Variants in FBXO32 observed in about 807,000 individuals in gnomAD.
FBXO32 encodes the protein F-box only protein 32.
Under a neutral mutation model 48.3 loss-of-function variants are expected in FBXO32, and 15 were observed. The observed-to-expected ratio is 0.31, with a 90% CI of 0.21 to 0.48. The LOEUF (loss-of-function observed/expected upper bound fraction) is 0.48. Among genes scored for constraint, FBXO32 ranks in the 20% least tolerant of loss-of-function variants. The probability of loss-of-function intolerance (pLI) is 0.99; values close to 1 mark genes in which losing one functional copy is unlikely to be tolerated. For synonymous variants in FBXO32, 154 were observed against 165.9 expected (o/e 0.93, Z 0.55); for missense variants, 309 against 432.7 (o/e 0.71, Z 2.54).
chr8:123,503,229 C>A lies in FBXO32; in HGVS notation c.*144G>T. The A allele has an allele frequency of 1.8e-6, 1 of 569,540 alleles. No homozygotes were observed. The highest frequency in any genetic ancestry group is 3.0e-6 in the Non-Finnish European group (1 of 330,904). 35.3% of individuals were successfully genotyped at this position (569,540 alleles called of 1,614,324 possible). On this transcript the variant is annotated 3_prime_UTR_variant, in exon 9 of 9. Coordinates refer to ENST00000517956, the MANE Select transcript of FBXO32 (RefSeq NM_058229.4). ...AGTCAGCAACTGCATTTCTCCCCTC[C>A]AATGTCCTCTCCATGACTTATCTCT...
chr8:123,501,031 G>A lies in FBXO32; in HGVS notation c.*2342C>T, dbSNP rs1816471867. ...CAGTCTAAATGACACCAGTGTCCCAGTTTTGTGCTGACAGTCCACAGCAGG... is the reference window on the plus strand; with the variant it reads ...CAGTCTAAATGACACCAGTGTCCCAATTTTGTGCTGACAGTCCACAGCAGG... On this transcript the variant is annotated 3_prime_UTR_variant, in exon 9 of 9. Coordinates refer to ENST00000517956, the MANE Select transcript of FBXO32 (RefSeq NM_058229.4). The A allele has an allele frequency of 2.0e-5, 3 of 152,206 alleles. No individual in the cohort carries two copies. Among genetic ancestry groups the A allele is most frequent in the African/African-American group, 7.2e-5 (3 of 41,452 alleles). 9.4% of individuals were successfully genotyped at this position (152,206 alleles called of 1,614,324 possible). A position where few individuals can be genotyped will look rare whatever the true frequency, so the allele number is the denominator to read the frequency against.
In FBXO32 at chr8:123,525,295, G is replaced by A. The variant is rs1203567318; in HGVS notation, c.372+6603C>T. 6.6e-6 allele frequency among the ~76,000 whole-genome samples: 1 copy of A among 152,146 alleles called. No homozygotes were observed. Among genetic ancestry groups the A allele is most frequent in the Non-Finnish European group, 1.5e-5 (1 of 68,022 alleles). ...TAGGTTGTGATGCTCTGCTGCAGAG[G>A]GACAAAGAAACTGGGGTTGCAAGCT... On this transcript the variant is annotated intron_variant, in intron 4 of 8. Coordinates refer to ENST00000517956, the MANE Select transcript of FBXO32 (RefSeq NM_058229.4). The surrounding 1 kb of genome is among the most constrained non-coding windows in gnomAD (Gnocchi z 4.3).
chr8:123,534,781 A>G lies in FBXO32; in HGVS notation c.150T>C (p.Asn50=), dbSNP rs1817278503. ...YCNKEVYNKE[N]LFNSLNYDVA... ...CATCATAGTTCAGGCTGTTGAAAAG[A>G]TTCTCCTTATTGTATACCTCCTTGT... is the stretch of plus-strand genomic sequence containing the variant. The change falls in exon 2 of 9, where the codon AAT becomes AAC. Residue 50 remains asparagine, a synonymous_variant. Transcript: ENST00000517956. The G allele has an allele frequency of 6.2e-7, 1 of 1,613,602 alleles. No homozygotes were observed. The highest frequency in any genetic ancestry group is 8.5e-7 in the Non-Finnish European group (1 of 1,179,664).
intron 8 of FBXO32, among the ~76,000 whole-genome samples, chr8:123,504,079 G>A (rs577276474): frequency 2.4e-5 from 3 of 124,148 alleles, no homozygotes; most frequent in Non-Finnish European, 3.2e-5. Flanking sequence ...GAGAGACTCC[G>A]TCTCAAAAAA....
Position 123,541,022 on chromosome 8 carries a change from C to A in FBXO32, c.-8G>T, listed in dbSNP as rs1040683460. 2 of 1,597,944 alleles carry A rather than the reference C, an allele frequency of 1.3e-6. No individual in the cohort carries two copies. The highest frequency in any genetic ancestry group is 1.7e-5 in the Admixed American group (1 of 59,490). On this transcript the variant is annotated 5_prime_UTR_variant, in exon 1 of 9. Coordinates refer to ENST00000517956, the MANE Select transcript of FBXO32 (RefSeq NM_058229.4). ...CTGCCCGAGGAATGGCATGGCACCG[C>A]GAGCGGACTAGACGGATGGGGAGAC...
At chr8:123,536,907 A>T (rs1236182320) in intron 1 of FBXO32, among the ~76,000 whole-genome samples, 1 of 152,026 alleles carries the variant, frequency 6.6e-6, no homozygotes, top group African/African-American at 2.4e-5. Flanking sequence ...AGCCTGAGTG[A>T]CTCATTTCAA....
chr8:123,502,885 G>A lies in FBXO32; in HGVS notation c.*488C>T, dbSNP rs928901259. ...GTTTAGGATGGGTGGCGCTTCCTTCGCCTTCTCAAAACAAACACCAGATCA... is the reference window on the plus strand; with the variant it reads ...GTTTAGGATGGGTGGCGCTTCCTTCACCTTCTCAAAACAAACACCAGATCA... On this transcript the variant is annotated 3_prime_UTR_variant, in exon 9 of 9. Coordinates refer to ENST00000517956, the MANE Select transcript of FBXO32 (RefSeq NM_058229.4). The A allele has an allele frequency of 2.0e-5, 3 of 153,056 alleles. No homozygotes were observed. Among genetic ancestry groups the A allele is most frequent in the African/African-American group, 4.8e-5 (2 of 41,412 alleles). 9.5% of individuals were successfully genotyped at this position (153,056 alleles called of 1,614,324 possible).
chr8:123,514,627 G>A (rs182811378), intron 4 of FBXO32, among the ~76,000 whole-genome samples: 15 of 152,338 alleles, frequency 9.8e-5, no homozygotes, highest in African/African-American at 3.4e-4. Flanking sequence ...TGAAGCTGAC[G>A]TACCCTGAAG....
At chr8:123,521,172 A>G (rs1035284604) in intron 4 of FBXO32, among the ~76,000 whole-genome samples, 2 of 152,250 alleles carry the variant, frequency 1.3e-5, no homozygotes, top group African/African-American at 4.8e-5. Flanking sequence ...GCTAATTAGG[A>G]TGGAACCCTC....
Position 123,513,254 on chromosome 8 carries a change from G to A in FBXO32, c.595C>T (p.Arg199Trp), listed in dbSNP as rs1305484860. The A allele has an allele frequency of 2.5e-6, 4 of 1,614,190 alleles. No homozygotes were observed. Among genetic ancestry groups the A allele is most frequent in the Non-Finnish European group, 3.4e-6 (4 of 1,180,024 alleles). ...LVGNINMWVY[R>W]METILHWQQQ... ...TGCCAGTGGAGAATCGTCTCCATCC[G>A]ATACACCCACATGTTAATGTTCCCG... The change falls in exon 6 of 9, where the codon CGG (arginine) becomes TGG (tryptophan). Residue 199 changes from arginine to tryptophan, a missense_variant. Physicochemically the swap from Arg to Trp is moderately radical, Grantham distance 101. Coordinates refer to ENST00000517956, the MANE Select transcript of FBXO32 (RefSeq NM_058229.4). This position sits in a 1 kb window ranked among gnomAD's most constrained non-coding sequence, Gnocchi z 4.3.
At chr8:123,527,207 A>G (rs1306793619) in intron 4 of FBXO32, 2 of 152,224 alleles carry the variant, frequency 1.3e-5, no homozygotes, top group Non-Finnish European at 2.9e-5. Flanking sequence ...CCTTCAAGGT[A>G]GAGTCAGATC....
intron 4 of FBXO32, among the ~76,000 whole-genome samples, chr8:123,517,745 A>T (rs1816868979): frequency 6.6e-6 from 1 of 152,222 alleles, no homozygotes; most frequent in South Asian, 2.1e-4. Context: ...TTCATTTCTA[A>T]AATGGAAATA....
chr8:123,529,815 A>G (rs549587306), intron 4 of FBXO32, among the ~76,000 whole-genome samples: 1 of 152,354 alleles, frequency 6.6e-6, no homozygotes, highest in Non-Finnish European at 1.5e-5. Context: ...GATTTTCACT[A>G]TCATGATGCT....
At chr8:123,517,344 C>T (rs1401590501) in intron 4 of FBXO32, among the ~76,000 whole-genome samples, 3 of 152,184 alleles carry the variant, frequency 2.0e-5, no homozygotes, top group East Asian at 1.9e-4. Context: ...GGAGGAGAAA[C>T]GAACTGTCTT....
chr8:123,511,898 T>G (rs1383391794), intron 6 of FBXO32, among the ~76,000 whole-genome samples: 2 of 152,148 alleles, frequency 1.3e-5, no homozygotes, highest in Non-Finnish European at 2.9e-5. Context: ...AAAATCCCAG[T>G]CAGTCAGTCC....
rs1248695405 is a variant in FBXO32, at chr8:123,503,191, T to C, written c.*182A>G. ...TACCAATTCTAGTGAGAAGTTCACATTCTTAAATTCCCAGTCAGCAACTGC... is the reference window on the plus strand; with the variant it reads ...TACCAATTCTAGTGAGAAGTTCACACTCTTAAATTCCCAGTCAGCAACTGC... On this transcript the variant is annotated 3_prime_UTR_variant, in exon 9 of 9. Coordinates refer to ENST00000517956, the MANE Select transcript of FBXO32 (RefSeq NM_058229.4). 4.1e-6 allele frequency: 2 copies of C among 488,048 alleles called. No individual in the cohort carries two copies. The highest frequency in any genetic ancestry group is 7.3e-6 in the Non-Finnish European group (2 of 275,776). The allele number at this position is 488,048 out of a possible 1,614,324, so 30.2% of individuals were successfully genotyped here. A position where few individuals can be genotyped will look rare whatever the true frequency, so the allele number is the denominator to read the frequency against.
At position 123,499,554 on chromosome 8, in the gene FBXO32, T is replaced by C. The variant is rs1158307558; in HGVS notation, c.*3819A>G. ...ACACATAAAATTACAGTTAAAAAAA[T>C]TCACACATAAAATAGAGTGTTTGCA... On this transcript the variant is annotated 3_prime_UTR_variant, in exon 9 of 9. Coordinates refer to ENST00000517956, the MANE Select transcript of FBXO32 (RefSeq NM_058229.4). The C allele has an allele frequency of 1.3e-5, 2 of 151,632 alleles. No individual in the cohort carries two copies. The highest frequency in any genetic ancestry group is 4.8e-5 in the African/African-American group (2 of 41,290). 9.4% of individuals were successfully genotyped at this position (151,632 alleles called of 1,614,324 possible). A position where few individuals can be genotyped will look rare whatever the true frequency, so the allele number is the denominator to read the frequency against.
chr8:123,512,183 T>C (rs896393275), intron 6 of FBXO32, among the ~76,000 whole-genome samples: 1 of 152,200 alleles, frequency 6.6e-6, no homozygotes, highest in Admixed American at 6.5e-5. Flanking sequence ...CGTGTAGGTG[T>C]TGTAGCCTAA....
At position 123,506,096 on chromosome 8, in the gene FBXO32, GC is replaced by G. The variant is rs1161310717; in HGVS notation, c.834+295del. Among the ~76,000 whole-genome samples the G allele has an allele frequency of 2.6e-5, 4 of 152,114 alleles. No homozygotes were observed. Among genetic ancestry groups the G allele is most frequent in the African/African-American group, 9.7e-5 (4 of 41,418 alleles). ...ATAAAAAAATTATCCGGGTGTTGTG[GC>G]ATGAGCCTGTAGTCCCAGCTACTCG... On this transcript the variant is annotated intron_variant, in intron 7 of 8. Coordinates refer to ENST00000517956, the MANE Select transcript of FBXO32 (RefSeq NM_058229.4). The surrounding 1 kb of genome is among the most constrained non-coding windows in gnomAD (Gnocchi z 4.0).
Sources: gnomAD v4.1 joint callset for allele counts (sites outside exome capture counted in the v4.1 genomes callset) on GRCh38, gnomAD v4.1.1 for gene constraint, Gnocchi (gnomAD v3.1) non-coding constraint, MANE v1.5 for transcripts, NCBI Gene and HGNC (gene_info 2026-07-23, HGNC 2026-07-21) for gene names.